CCDC171: variants seen among roughly 807,000 people sequenced by gnomAD.
CCDC171 encodes coiled-coil domain-containing protein 171.
Under a neutral mutation model 168.2 loss-of-function variants are expected in CCDC171, and 177 were observed. The ratio of observed to expected loss-of-function variants is 1.05; its 90% CI spans 0.93 to 1.19. The LOEUF (loss-of-function observed/expected upper bound fraction) is 1.19. CCDC171 is among the 50% of genes most tolerant of loss of function. CCDC171 has a pLI of 0.00. For synonymous variants in CCDC171, 687 were observed against 540.8 expected, an observed-to-expected ratio of 1.27 and a Z score of -3.75; for missense variants, 1,991 against 1,539.0, an observed-to-expected ratio of 1.29 and a Z score of -4.91.
intron 11 of CCDC171, among the ~76,000 whole-genome samples, chr9:15,716,639 C>G (rs891310281): frequency 6.6e-6 from 1 of 151,908 alleles, no homozygotes; most frequent in Non-Finnish European, 1.5e-5. Context: ...CTGGGAAATC[C>G]AAGATTGAGG....
chr9:15,941,501 T>TA (rs1250772710), intron 25 of CCDC171, among the ~76,000 whole-genome samples: 1 of 151,900 alleles, frequency 6.6e-6, no homozygotes, highest in African/African-American at 2.4e-5. Context: ...TAAGGAATCT[T>TA]AAAAAAGATA....
chr9:15,872,868 T>C (rs1240341513), intron 23 of CCDC171, among the ~76,000 whole-genome samples: 1 of 152,062 alleles, frequency 6.6e-6, no homozygotes, highest in African/African-American at 2.4e-5. Flanking sequence ...AGAGAAGGTA[T>C]TCATACATGT....
At chr9:15,674,000 G>C (rs369722980) in intron 9 of CCDC171, among the ~76,000 whole-genome samples, 3 of 152,084 alleles carry the variant, frequency 2.0e-5, no homozygotes, top group African/African-American at 7.2e-5. Context: ...TGGTTGAGAG[G>C]CTATTAATTT....
the CCDC171 span, among the ~76,000 whole-genome samples, chr9:16,097,301 A>G: frequency 6.6e-6 from 1 of 152,218 alleles, no homozygotes; most frequent in Non-Finnish European, 1.5e-5. Context: ...GTATTAAGAC[A>G]CAATCTAAGG....
chr9:15,961,422 G>A (rs1216328381), intron 25 of CCDC171, among the ~76,000 whole-genome samples: 1 of 152,176 alleles, frequency 6.6e-6, no homozygotes, highest in East Asian at 1.9e-4. Context: ...GCTATTTGGA[G>A]TAAAATGAAG....
chr9:16,075,332 C>A, the CCDC171 span, among the ~76,000 whole-genome samples: 1 of 152,172 alleles, frequency 6.6e-6, no homozygotes, highest in East Asian at 1.9e-4. Context: ...AATCACTAAT[C>A]TTTTCTCTCT....
At chr9:15,699,243 G>A (rs889942488) in intron 11 of CCDC171, among the ~76,000 whole-genome samples, 3 of 151,994 alleles carry the variant, frequency 2.0e-5, no homozygotes, top group Admixed American at 6.6e-5. Context: ...AAGGTGGCGC[G>A]TCTGGAGTTG....
intron 9 of CCDC171, among the ~76,000 whole-genome samples, chr9:15,667,715 C>T (rs543262823): frequency 2.0e-5 from 3 of 152,102 alleles, no homozygotes; most frequent in Admixed American, 6.6e-5. Context: ...ATTTAAATAG[C>T]GGTAATTTTT....
intron 11 of CCDC171, among the ~76,000 whole-genome samples, chr9:15,719,975 C>T (rs1039079033): frequency 7.9e-5 from 5 of 63,682 alleles, no homozygotes; most frequent in Non-Finnish European, 2.6e-4. Flanking sequence ...ATAGTCATTA[C>T]GAAGAGTACT....
At chr9:16,059,749 C>G (rs1326778111) in intron 1 of CCDC171, among the ~76,000 whole-genome samples, 1 of 150,930 alleles carries the variant, frequency 6.6e-6, no homozygotes, top group Non-Finnish European at 1.5e-5. Flanking sequence ...CGCCTGACCT[C>G]ATGATCCACC....
intron 18 of CCDC171, among the ~76,000 whole-genome samples, chr9:15,756,391 A>G (rs192182315): frequency 6.6e-6 from 1 of 152,252 alleles, no homozygotes; most frequent in East Asian, 1.9e-4. Flanking sequence ...AATAATTTCA[A>G]CTTTTATTTT....
At chr9:15,904,092 A>G (rs1315412420) in intron 24 of CCDC171, among the ~76,000 whole-genome samples, 1 of 152,210 alleles carries the variant, frequency 6.6e-6, no homozygotes, top group African/African-American at 2.4e-5. Flanking sequence ...ACCAAGTTGG[A>G]AAACACTCTT....
chr9:15,792,340 C>T (rs1238915911), intron 21 of CCDC171, among the ~76,000 whole-genome samples: 3 of 152,192 alleles, frequency 2.0e-5, no homozygotes, highest in East Asian at 1.9e-4. Context: ...ACCAGATCTA[C>T]GTCTGTTTGG....
chr9:15,903,813 A>G (rs1183908582), intron 24 of CCDC171, among the ~76,000 whole-genome samples: 2 of 152,190 alleles, frequency 1.3e-5, no homozygotes, highest in African/African-American at 4.8e-5. Flanking sequence ...AGAATAACCA[A>G]TGCAGAGGAG....
chr9:16,020,907 G>T lies in CCDC171; in HGVS notation n.574+113G>T, dbSNP rs1833143509. The T allele has an allele frequency of 3.3e-5, 5 of 152,364 alleles. No individual in the cohort carries two copies. In the South Asian group the frequency reaches 8.3e-4, roughly 25 times the overall value. The allele number at this position is 152,364 out of a possible 1,614,324, so 9.4% of individuals were successfully genotyped here. A position where few individuals can be genotyped will look rare whatever the true frequency, so the allele number is the denominator to read the frequency against. ...CCTCAGAAAGCAAAATCTCTGCTAA[G>T]AGGAGGCTACTGGAAATAATTACTG... On this transcript the variant is annotated intron_variant and non_coding_transcript_variant, in intron 4 of 9. Coordinates refer to the CCDC171 transcript ENST00000486641.
At chr9:15,600,970 C>G (rs2042802842) in intron 6 of CCDC171, among the ~76,000 whole-genome samples, 1 of 152,284 alleles carries the variant, frequency 6.6e-6, no homozygotes, top group African/African-American at 2.4e-5. Flanking sequence ...GTGCCGTTTG[C>G]TAAGACTGTT....
chr9:15,828,066 A>G (rs1399033516), intron 21 of CCDC171, among the ~76,000 whole-genome samples: 1 of 152,214 alleles, frequency 6.6e-6, no homozygotes, highest in Non-Finnish European at 1.5e-5. Context: ...TTAATATTTT[A>G]CACTGTAAGA....
chr9:15,797,498 G>A (rs188153406), intron 21 of CCDC171, among the ~76,000 whole-genome samples: 1 of 152,180 alleles, frequency 6.6e-6, no homozygotes, highest in Admixed American at 6.5e-5. Context: ...ATACAGGCAT[G>A]AGCCACTGTG....
intron 7 of CCDC171, among the ~76,000 whole-genome samples, chr9:15,653,989 G>A (rs1405849122): frequency 1.3e-5 from 2 of 152,066 alleles, no homozygotes; most frequent in Admixed American, 6.6e-5. Context: ...ATATCCAAAT[G>A]TCCTCATTTC....
Sources: allele counts gnomAD v4.1 joint callset (sites outside exome capture counted in the v4.1 genomes callset), GRCh38; gene constraint gnomAD v4.1.1; transcripts MANE v1.5; gene names NCBI Gene and HGNC (gene_info 2026-07-23, HGNC 2026-07-21).